NCLN: variants seen among roughly 807,000 people sequenced by gnomAD.
NCLN encodes nicalin, also known as BOS complex subunit NCLN.
A neutral mutation model predicts 69.5 loss-of-function variants in NCLN; 34 were observed. That is an observed-to-expected ratio of 0.49 (90% CI 0.37 to 0.65). The LOEUF is 0.65. Ranked by LOEUF, NCLN falls within the 30% of genes least tolerant of loss-of-function variation. The pLI is 0.00. For missense variants in NCLN, 710 were observed against 804.8 expected (o/e 0.88, Z 1.42); for synonymous variants, 393 against 358.3 (o/e 1.10, Z -1.09).
intron 3 of NCLN, among the ~76,000 whole-genome samples, chr19:3,195,159 G>T (rs1205304708): frequency 6.9e-6 from 1 of 145,304 alleles, no homozygotes; most frequent in Non-Finnish European, 1.5e-5. Flanking sequence ...TCCAGCCCGG[G>T]TGACAGTACG....
chr19:3,202,663 C>T (rs983256354), intron 6 of NCLN, among the ~76,000 whole-genome samples: 4 of 152,134 alleles, frequency 2.6e-5, no homozygotes, highest in Admixed American at 2.6e-4. Flanking sequence ...AACTTGGACT[C>T]GAACTCCTGG....
Position 3,205,729 on chromosome 19 carries a change from G to A in NCLN, c.1209-210G>A, listed in dbSNP as rs888394902. 23 of 574,350 alleles carry A rather than the reference G, an allele frequency of 4.0e-5. No homozygotes were observed. The highest frequency in any genetic ancestry group is 4.6e-4 in the Middle Eastern group (1 of 2,166). The allele number at this position is 574,350 out of a possible 1,614,324, so 35.6% of individuals were successfully genotyped here. The stretch of plus-strand genomic sequence containing the variant: ...GTGAGCCTTACCTGCGCACAGGGAC[G>A]GGTCAGGGCAAGGGGCCTGGAGGTG... On this transcript the variant is annotated intron_variant, in intron 9 of 14. Transcript: ENST00000246117. This position sits in a 1 kb window ranked among gnomAD's most constrained non-coding sequence, Gnocchi z 4.6.
chr19:3,197,212 A>G (rs311618), intron 4 of NCLN, among the ~76,000 whole-genome samples: 67,541 of 152,116 alleles, frequency 0.44, 15,042 homozygotes, highest in South Asian at 0.51. Context: ...ACAGTGGCAC[A>G]GGCGCTGGGC....
At chr19:3,200,800 C>T (rs559799747) in intron 5 of NCLN, among the ~76,000 whole-genome samples, 2 of 152,234 alleles carry the variant, frequency 1.3e-5, no homozygotes, top group Non-Finnish European at 2.9e-5. Flanking sequence ...CCAGCATGTG[C>T]GCATCCGTCC....
rs577570742 is a variant in NCLN, at chr19:3,203,862, G to A, written c.889+18G>A. 5.7e-4 allele frequency: 925 copies of A among 1,608,932 alleles called. 8 individuals are homozygous for A. The South Asian group carries it at 9.4e-3, about 16-fold the overall frequency. ...CCACACAGGTGAGCGGCCCCGGGTGGGGGTGGGGGTGCCGCGGTGGTGGTG... is the reference window on the plus strand; with the variant it reads ...CCACACAGGTGAGCGGCCCCGGGTGAGGGTGGGGGTGCCGCGGTGGTGGTG... On this transcript the variant is annotated intron_variant, in intron 7 of 14. Coordinates refer to ENST00000246117, the MANE Select transcript of NCLN (RefSeq NM_020170.4).
At chr19:3,199,011 T>G in intron 5 of NCLN, 114 bp downstream of exon 5, 1 of 679,162 alleles carries the variant, frequency 1.5e-6, no homozygotes, top group South Asian at 3.4e-5. Context: ...CGGCTCTCCC[T>G]GTGACGGCCT....
chr19:3,199,247 C>T (rs1322474811), intron 5 of NCLN, among the ~76,000 whole-genome samples: 2 of 152,248 alleles, frequency 1.3e-5, no homozygotes, highest in Non-Finnish European at 2.9e-5. Flanking sequence ...GGTCATGGAG[C>T]ACGTAGCAGA....
chr19:3,192,860 G>A (rs1915863502), intron 2 of NCLN, among the ~76,000 whole-genome samples, 200 bp downstream of exon 2: 1 of 152,194 alleles, frequency 6.6e-6, no homozygotes, highest in Non-Finnish European at 1.5e-5. Context: ...TGTTCAGGGA[G>A]GGCCGCTCCG....
At chr19:3,207,546 C>T in intron 14 of NCLN, 77 bp downstream of exon 14, 2 of 1,606,896 alleles carry the variant, frequency 1.2e-6, no homozygotes, top group Middle Eastern at 1.7e-4. Context: ...CAAGTGCATC[C>T]TGGCCCCTGG....
chr19:3,186,159 G>T lies in NCLN; in HGVS notation c.129G>T (p.Ala43=), dbSNP rs751978504. 16 of 1,594,998 alleles carry T rather than the reference G, an allele frequency of 1.0e-5. No individual in the cohort carries two copies. The highest frequency in any genetic ancestry group is 1.7e-5 in the Admixed American group (1 of 58,530). Residue 43 remains alanine (A), a synonymous_variant, in exon 1 of 15, where the codon GCG becomes GCT. Coordinates refer to ENST00000246117, the MANE Select transcript of NCLN (RefSeq NM_020170.4). ...VAPPLPAADA[A]HEFTVYRMQQ... is the part of the protein sequence containing the mutation. ...CGCCGCTGCCTGCCGCCGACGCCGC[G>T]CACGAGTTCACCGTGTACCGCATGC...
At chr19:3,203,678 G>A in intron 6 of NCLN, 78 bp from the exon 7 acceptor site, 1 of 1,304,226 alleles carries the variant, frequency 7.7e-7, no homozygotes, top group Non-Finnish European at 1.1e-6. Flanking sequence ...CCTTCCTGGG[G>A]GACCTGTGAC....
At position 3,192,680 on chromosome 19, in the gene NCLN, C is replaced by T. The variant is rs200101461; in HGVS notation, c.375+20C>T. Reference sequence around the variant, plus strand: ...GTCCGGGTGAGCGTCTGCCCTGCCCCGCCCGGCTCAGGTCCAGAGCTGCGG... The same window carrying T: ...GTCCGGGTGAGCGTCTGCCCTGCCCTGCCCGGCTCAGGTCCAGAGCTGCGG... On this transcript the variant is annotated intron_variant, in intron 2 of 14. Coordinates refer to ENST00000246117, the MANE Select transcript of NCLN (RefSeq NM_020170.4). 1.5e-5 allele frequency: 22 copies of T among 1,510,698 alleles called. No individual in the cohort carries two copies. The highest frequency in any genetic ancestry group is 2.6e-5 in the South Asian group (2 of 77,134). The allele number at this position is 1,510,698 out of a possible 1,614,324, so 93.6% of individuals were successfully genotyped here.
intron 8 of NCLN, 135 bp from the exon 9 acceptor site, chr19:3,204,438 G>C (rs866345444): frequency 9.8e-7 from 1 of 1,019,854 alleles, no homozygotes; most frequent in South Asian, 1.8e-5. Flanking sequence ...GGCCTTAGGG[G>C]GACCCCGGGG....
intron 5 of NCLN, 100 bp from the exon 6 acceptor site, chr19:3,201,422 TG>T: frequency 1.3e-6 from 1 of 777,332 alleles, no homozygotes; most frequent in Non-Finnish European, 2.1e-6. Context: ...GGGAGTAGGG[TG>T]GGGGTGACGG....
At chr19:3,192,431 C>T in intron 1 of NCLN, 39 bp from the exon 2 acceptor site, 1 of 1,521,688 alleles carries the variant, frequency 6.6e-7, no homozygotes, top group Non-Finnish European at 8.8e-7. Flanking sequence ...TCGGCCTGGC[C>T]ACCCGCCGAG....
chr19:3,207,454 C>A lies in NCLN; in HGVS notation c.1617C>A (p.Ala539=), dbSNP rs1916301132. The A allele has an allele frequency of 6.2e-7, 1 of 1,612,870 alleles. No homozygotes were observed. The highest frequency in any genetic ancestry group is 1.1e-5 in the South Asian group (1 of 91,096). ...GCATTGCTGCCTACCTCGGCATGGC[C>A]TACGTGGCTGTCCAGGTGAGCAGTG... The part of the protein sequence containing the change: ...AVGIAAYLGM[A]YVAVQHFSLL... The change falls in exon 14 of 15, where the codon GCC becomes GCA. Residue 539 remains alanine, a synonymous_variant. Transcript: ENST00000246117.
intron 9 of NCLN, 81 bp downstream of exon 9, chr19:3,204,832 A>G (rs1916224216): frequency 1.5e-6 from 2 of 1,317,254 alleles, no homozygotes; most frequent in African/African-American, 3.1e-5. Context: ...AGAGGCCATG[A>G]GAGCCTGGAG....
chr19:3,196,692 A>AC (rs1447261957), intron 4 of NCLN, among the ~76,000 whole-genome samples: 1 of 151,948 alleles, frequency 6.6e-6, no homozygotes, highest in Non-Finnish European at 1.5e-5. Flanking sequence ...CCTTCCGAGC[A>AC]CCCCGGGATA....
chr19:3,205,799 A>T lies in NCLN; in HGVS notation c.1209-140A>T. On this transcript the variant is annotated intron_variant, in intron 9 of 14. Coordinates refer to ENST00000246117, the MANE Select transcript of NCLN (RefSeq NM_020170.4). The surrounding 1 kb of genome is among the most constrained non-coding windows in gnomAD (Gnocchi z 4.6). ...GCATCTACATGTTAGCCAAGTAGTT[A>T]AAGCTAAGCTTAATTTTTTTTTTTT... The T allele has an allele frequency of 1.2e-6, 1 of 811,548 alleles. No homozygotes were observed. Among genetic ancestry groups the T allele is most frequent in the Non-Finnish European group, 2.0e-6 (1 of 503,636 alleles). 50.3% of individuals were successfully genotyped at this position (811,548 alleles called of 1,614,324 possible). A position where few individuals can be genotyped will look rare whatever the true frequency, so the allele number is the denominator to read the frequency against.
Sources: gnomAD v4.1 joint callset for allele counts (sites outside exome capture counted in the v4.1 genomes callset) on GRCh38, gnomAD v4.1.1 for gene constraint, Gnocchi (gnomAD v3.1) non-coding constraint, MANE v1.5 for transcripts, NCBI Gene and HGNC (gene_info 2026-07-23, HGNC 2026-07-21) for gene names.